The following LRIF1 variants were observed in gnomAD, a reference collection of about 807,000 sequenced individuals.
LRIF1 encodes the protein ligand dependent nuclear receptor interacting factor 1, also known as ligand-dependent nuclear receptor-interacting factor 1.
Under a neutral mutation model 52.7 loss-of-function variants are expected in LRIF1, and 32 were observed. That is an observed-to-expected ratio of 0.61 (90% CI 0.46 to 0.82). The LOEUF is 0.82. Ranked by LOEUF, LRIF1 falls within the 40% of genes least tolerant of loss-of-function variation. LRIF1 has a pLI of 0.00. For missense variants in LRIF1, 887 were observed against 892.0 expected (o/e 0.99, Z 0.07); for synonymous variants, 323 against 317.4 (o/e 1.02, Z -0.19).
the LRIF1 span, among the ~76,000 whole-genome samples, chr1:110,898,510 G>A: frequency 6.6e-6 from 1 of 151,956 alleles, no homozygotes; most frequent in African/African-American, 2.4e-5. Context: ...CAGCTGGTCT[G>A]AAAAATACGA....
At chr1:110,900,535 T>G in the LRIF1 span, among the ~76,000 whole-genome samples, 1 of 152,044 alleles carries the variant, frequency 6.6e-6, no homozygotes, top group Non-Finnish European at 1.5e-5. Flanking sequence ...ACTAATTTTT[T>G]TGTGTGTTTT....
the LRIF1 span, among the ~76,000 whole-genome samples, chr1:110,893,339 G>C: frequency 5.9e-5 from 9 of 152,114 alleles, no homozygotes; most frequent in African/African-American, 2.2e-4. Context: ...TTGTTGTTTT[G>C]GAGATGGAGT....
the LRIF1 span, among the ~76,000 whole-genome samples, chr1:110,902,517 A>AAAAAG: frequency 1.8e-4 from 19 of 104,746 alleles, no homozygotes; most frequent in Admixed American, 6.2e-4. Context: ...AAAAAAAAAA[A>AAAAAG]AAAGAAATAC....
In LRIF1 at chr1:110,958,669, TA is replaced by T. The variant is rs931855611; in HGVS notation, c.68+4951del. On this transcript the variant is annotated intron_variant, in intron 1 of 3. Coordinates refer to ENST00000369763, the MANE Select transcript of LRIF1 (RefSeq NM_018372.4). ...TTTCCTCTATTTCACCTCCAAAAAA[TA>T]AAAAAAAGGAAGAAAAATTAAGCTT... 4.0e-5 allele frequency among the ~76,000 whole-genome samples: 6 copies of T among 151,452 alleles called. No individual in the cohort carries two copies. In the East Asian group the frequency reaches 1.2e-3, roughly 29 times the overall value.
chr1:110,918,440 T>C, the LRIF1 span, among the ~76,000 whole-genome samples: 1 of 152,174 alleles, frequency 6.6e-6, no homozygotes, highest in Admixed American at 6.5e-5. Context: ...TTGATAAAGA[T>C]ATATCAAATC....
chr1:110,950,533 T>C (rs966091470), intron 2 of LRIF1, among the ~76,000 whole-genome samples: 1 of 152,158 alleles, frequency 6.6e-6, no homozygotes, highest in African/African-American at 2.4e-5. Flanking sequence ...CAATGAATTC[T>C]GTACTGAAGG....
intron 1 of LRIF1, among the ~76,000 whole-genome samples, chr1:110,956,083 G>T (rs1658686514): frequency 6.6e-6 from 1 of 152,120 alleles, no homozygotes. Context: ...TTTTCTTTAT[G>T]AAAAATCACA....
chr1:110,925,157 C>T, the LRIF1 span, among the ~76,000 whole-genome samples: 1 of 152,152 alleles, frequency 6.6e-6, no homozygotes, highest in Non-Finnish European at 1.5e-5. Context: ...ATGGGATTAA[C>T]ATTTAACTCA....
At chr1:110,891,931 T>G in the LRIF1 span, among the ~76,000 whole-genome samples, 4 of 152,228 alleles carry the variant, frequency 2.6e-5, no homozygotes, top group African/African-American at 7.2e-5. Context: ...TATGAGAAGA[T>G]TATTATAAGT....
the LRIF1 span, among the ~76,000 whole-genome samples, chr1:110,912,778 C>G: frequency 6.6e-6 from 1 of 152,132 alleles, no homozygotes; most frequent in Admixed American, 6.5e-5. Context: ...TAGATTAGTG[C>G]TATTTCTATC....
chr1:110,922,605 A>G, the LRIF1 span, among the ~76,000 whole-genome samples: 1 of 152,268 alleles, frequency 6.6e-6, no homozygotes, highest in Non-Finnish European at 1.5e-5. Context: ...ACCCATATAT[A>G]AAGTTATCCG....
the LRIF1 span, chr1:110,880,309 CA>C: frequency 9.9e-5 from 15 of 152,226 alleles, no homozygotes; most frequent in African/African-American, 3.6e-4. Context: ...TGGCATGTGG[CA>C]AAAGTAGTGA....
chr1:110,962,487 T>C (rs1043535498), intron 1 of LRIF1, among the ~76,000 whole-genome samples: 2 of 152,174 alleles, frequency 1.3e-5, no homozygotes, highest in Non-Finnish European at 2.9e-5. Context: ...GCAATGGAGT[T>C]TTCTACTTGC....
chr1:110,883,824 A>G, the LRIF1 span, among the ~76,000 whole-genome samples: 1 of 151,950 alleles, frequency 6.6e-6, no homozygotes, highest in African/African-American at 2.4e-5. Flanking sequence ...ATTGGCATGA[A>G]GTCATTTATT....
At chr1:110,917,812 GAAC>G in the LRIF1 span, among the ~76,000 whole-genome samples, 23 of 151,816 alleles carry the variant, frequency 1.5e-4, no homozygotes, top group African/African-American at 5.6e-4. Flanking sequence ...AACTTGCAAA[GAAC>G]AATATGAGAG....
intron 1 of LRIF1, among the ~76,000 whole-genome samples, chr1:110,956,462 T>A (rs1259690870): frequency 6.6e-6 from 1 of 152,070 alleles, no homozygotes; most frequent in East Asian, 1.9e-4. Flanking sequence ...AATAAAAGGC[T>A]AAAGTATAGG....
the LRIF1 span, chr1:110,892,578 T>G: frequency 6.8e-7 from 1 of 1,468,760 alleles, no homozygotes; most frequent in Non-Finnish European, 9.4e-7. Context: ...GGGGAGATGG[T>G]GCCTAAATCC....
chr1:110,897,813 GC>G, the LRIF1 span: 1 of 1,597,694 alleles, frequency 6.3e-7, no homozygotes, highest in Non-Finnish European at 8.6e-7. Flanking sequence ...TTCTAGGGTT[GC>G]TATGCGAAAG....
At chr1:110,924,682 C>G in the LRIF1 span, among the ~76,000 whole-genome samples, 14 of 152,230 alleles carry the variant, frequency 9.2e-5, no homozygotes, top group Admixed American at 2.0e-4. Flanking sequence ...GATTGCAATT[C>G]AAAATGAGAT....
Sources: gnomAD v4.1 joint callset for allele counts (sites outside exome capture counted in the v4.1 genomes callset) on GRCh38, gnomAD v4.1.1 for gene constraint, MANE v1.5 for transcripts, NCBI Gene and HGNC (gene_info 2026-07-23, HGNC 2026-07-21) for gene names.